Variants in EPG5 observed in about 807,000 individuals in gnomAD.
EPG5 encodes ectopic P-granules 5 autophagy tethering factor, also known as ectopic P granules protein 5 homolog.
EPG5 carries 159 observed loss-of-function variants against 302.7 expected under a neutral mutation model. That is an observed-to-expected ratio of 0.53 (90% confidence interval 0.46 to 0.60). The LOEUF (loss-of-function observed/expected upper bound fraction) is 0.60. Ranked by LOEUF, EPG5 falls within the 20% of genes least tolerant of loss-of-function variation. The probability of loss-of-function intolerance (pLI) is 0.00; values close to 1 mark genes in which losing one functional copy is unlikely to be tolerated. For synonymous variants in EPG5, 1,158 were observed against 1,136.8 expected, an observed-to-expected ratio of 1.02 and a Z score of -0.37; for missense variants, 2,896 against 3,092.4, an observed-to-expected ratio of 0.94 and a Z score of 1.51.
intron 24 of EPG5, among the ~76,000 whole-genome samples, chr18:45,904,660 C>T (rs1191402396): frequency 1.3e-5 from 2 of 152,020 alleles, no homozygotes; most frequent in South Asian, 2.1e-4. Context: ...AAGGGGAGGA[C>T]TTGTAGATTA....
At chr18:45,839,430 A>T in the EPG5 span, among the ~76,000 whole-genome samples, 1 of 152,094 alleles carries the variant, frequency 6.6e-6, no homozygotes, top group African/African-American at 2.4e-5. Flanking sequence ...CTGACTACAG[A>T]CCTTCCTAAA....
chr18:45,885,521 T>C (rs907114547), intron 29 of EPG5, among the ~76,000 whole-genome samples: 1 of 152,160 alleles, frequency 6.6e-6, no homozygotes, highest in African/African-American at 2.4e-5. Context: ...GAGAGTTATA[T>C]TTAATACCTG....
At chr18:45,838,705 T>G in the EPG5 span, 20 of 1,561,696 alleles carry the variant, frequency 1.3e-5, no homozygotes, top group African/African-American at 2.3e-4. Flanking sequence ...GTCACCCGCC[T>G]TCTCCCCTGC....
chr18:45,917,541 G>A lies in EPG5; in HGVS notation c.3239+138C>T, dbSNP rs189788604. 5.2e-4 allele frequency: 464 copies of A among 889,798 alleles called. 3 individuals carry two copies. In the African/African-American group the frequency reaches 6.7e-3, roughly 13 times the overall value. The allele number at this position is 889,798 out of a possible 1,614,324, so 55.1% of individuals were successfully genotyped here. A position where few individuals can be genotyped will look rare whatever the true frequency, so the allele number is the denominator to read the frequency against. Reference sequence around the variant, plus strand: ...TTCATCAACCTGCATTCTAAACTGGGGTGCAGAATATTTTTGCCCCATAAT... The same window carrying A: ...TTCATCAACCTGCATTCTAAACTGGAGTGCAGAATATTTTTGCCCCATAAT... On this transcript the variant is annotated intron_variant, in intron 17 of 43. Coordinates refer to ENST00000282041, the MANE Select transcript of EPG5 (RefSeq NM_020964.3).
chr18:45,801,734 A>T, the EPG5 span, among the ~76,000 whole-genome samples: 1 of 151,910 alleles, frequency 6.6e-6, no homozygotes, highest in Non-Finnish European at 1.5e-5. Context: ...CACTCCCAGG[A>T]GGAAGGGGTA....
rs900212390 is a variant in EPG5 at position 45,899,552 on chromosome 18, C to T, written c.4661G>A (p.Arg1554Gln). 9 of 1,613,978 alleles carry T rather than the reference C, an allele frequency of 5.6e-6. No individual in the cohort carries two copies. The highest frequency in any genetic ancestry group is 7.6e-6 in the Non-Finnish European group (9 of 1,179,914). The change falls in exon 27 of 44, where the codon CGG (arginine) becomes CAG (glutamine). Residue 1554 changes from arginine to glutamine, a missense_variant. Arg to Gln is a conservative substitution (Grantham distance 43). Transcript: ENST00000282041. ...LQQQARTAAL[R>Q]ESQQVALDGE... is the part of the protein sequence containing the mutation. ...ATCCAGAGCAACCTGCTGAGATTCCCGAAGAGCTGCGGTTCTGAAAAACAT... is the reference window on the plus strand; with the variant it reads ...ATCCAGAGCAACCTGCTGAGATTCCTGAAGAGCTGCGGTTCTGAAAAACAT...
the EPG5 span, among the ~76,000 whole-genome samples, chr18:45,834,296 G>C: frequency 6.6e-6 from 1 of 152,214 alleles, no homozygotes; most frequent in African/African-American, 2.4e-5. Context: ...TGAGAGGCAG[G>C]TACCATGCTG....
At position 45,875,641 on chromosome 18, in the gene EPG5, G is replaced by C. The variant is rs1755958791; in HGVS notation, c.6049+595C>G. ...ACAGAAAATATGAAAAAGAGGTTAA[G>C]AGTTAGGGAGGACAGGAAGAAACTC... On this transcript the variant is annotated intron_variant, in intron 35 of 43. Transcript: ENST00000282041. Among the ~76,000 whole-genome samples, 6 of 152,260 alleles carry C rather than the reference G, an allele frequency of 3.9e-5. No homozygotes were observed. In the South Asian group the frequency reaches 1.0e-3, roughly 26 times the overall value.
chr18:45,826,581 C>T, the EPG5 span, among the ~76,000 whole-genome samples: 1 of 152,162 alleles, frequency 6.6e-6, no homozygotes, highest in Admixed American at 6.5e-5. Flanking sequence ...CCTCAGAGCA[C>T]CTCTCTCCAG....
the EPG5 span, among the ~76,000 whole-genome samples, chr18:45,816,547 T>C: frequency 6.6e-6 from 1 of 152,112 alleles, no homozygotes. Context: ...TCACTAATGA[T>C]CAGGGAAATG....
chr18:45,938,306 C>A (rs2050582541), intron 10 of EPG5, among the ~76,000 whole-genome samples: 1 of 151,786 alleles, frequency 6.6e-6, no homozygotes, highest in Admixed American at 6.6e-5. Context: ...ACTACAAACC[C>A]AAAAAATTAG....
intron 34 of EPG5, among the ~76,000 whole-genome samples, chr18:45,877,658 A>G (rs1333707843): frequency 6.6e-6 from 1 of 152,208 alleles, no homozygotes; most frequent in Non-Finnish European, 1.5e-5. Flanking sequence ...GGGTTAATGC[A>G]AAGAGTCTAG....
Position 45,952,449 on chromosome 18 carries a change from G to A in EPG5, c.1203C>T (p.Leu401=). ...LQVESYIYAL[L]SSSAVLRSSA... is the part of the protein sequence containing the mutation. ...AAGATCTCAGAACAGCTGAACTACT[G>A]AGCAATGCATAGATGTAAGACTCCA... The change falls in exon 3 of 44, where the codon CTC becomes CTT. Residue 401 remains leucine (L), a synonymous_variant. Coordinates refer to ENST00000282041, the MANE Select transcript of EPG5 (RefSeq NM_020964.3). The A allele has an allele frequency of 6.2e-7, 1 of 1,614,144 alleles. No individual in the cohort carries two copies. Among genetic ancestry groups the A allele is most frequent in the Non-Finnish European group, 8.5e-7 (1 of 1,180,026 alleles).
At chr18:45,845,821 G>A (rs372706606), downstream of EPG5, among the ~76,000 whole-genome samples, 140 of 152,346 alleles carry the variant, frequency 9.2e-4, no homozygotes, top group African/African-American at 1.2e-3. Context: ...AGAGGAAGTG[G>A]CCGGCAACTA....
chr18:45,957,615 G>C (rs561299049), intron 1 of EPG5, among the ~76,000 whole-genome samples: 96 of 152,316 alleles, frequency 6.3e-4, no homozygotes, highest in Admixed American at 6.5e-4. Flanking sequence ...AAGGAGGTGA[G>C]TGGTACATCA....
the EPG5 span, among the ~76,000 whole-genome samples, chr18:45,826,068 ACAATAGGC>A: frequency 6.6e-6 from 1 of 152,164 alleles, no homozygotes; most frequent in Non-Finnish European, 1.5e-5. Context: ...CATCCAGAGG[ACAATAGGC>A]CAGGTACAGA....
chr18:45,838,972 T>C, the EPG5 span: 4 of 1,602,970 alleles, frequency 2.5e-6, no homozygotes, highest in South Asian at 3.3e-5. Context: ...GGCCAGCGTC[T>C]ACCTGTTCCG....
At chr18:45,943,133 G>C (rs1299752749) in intron 9 of EPG5, 28 bp downstream of exon 9, 8 of 1,609,434 alleles carry the variant, frequency 5.0e-6, no homozygotes, top group Non-Finnish European at 6.8e-6. Flanking sequence ...GAAAGGAACA[G>C]AGAAGGGTAG....
intron 12 of EPG5, among the ~76,000 whole-genome samples, chr18:45,930,110 C>T (rs1258337913): frequency 6.6e-6 from 1 of 152,172 alleles, no homozygotes; most frequent in African/African-American, 2.4e-5. Flanking sequence ...GTCCAAATTT[C>T]ACTCCCCTCC....
Sources: allele counts gnomAD v4.1 joint callset (sites outside exome capture counted in the v4.1 genomes callset), GRCh38; gene constraint gnomAD v4.1.1; transcripts MANE v1.5; gene names NCBI Gene and HGNC (gene_info 2026-07-23, HGNC 2026-07-21).